TP63: variants seen among roughly 807,000 people sequenced by gnomAD.
TP63 encodes the protein tumor protein 63.
In TP63, 17 loss-of-function variants were observed where a neutral mutation model predicts 82.8. The observed-to-expected ratio is 0.21, with a 90% CI of 0.14 to 0.31. The LOEUF is 0.31. Among genes scored for constraint, TP63 ranks in the 10% least tolerant of loss-of-function variants. The pLI, the probability that TP63 is intolerant of heterozygous loss-of-function variation, is 1.00. For missense variants in TP63, 648 were observed against 895.3 expected (o/e 0.72, Z 3.52); for synonymous variants, 330 against 321.7 (o/e 1.03, Z -0.28).
Position 189,884,610 on chromosome 3 carries a change from C to T in TP63, c.1350-1784C>T, listed in dbSNP as rs145804452. Among the ~76,000 whole-genome samples, 24 of 152,208 alleles carry T rather than the reference C, an allele frequency of 1.6e-4. No homozygotes were observed. The East Asian group carries it at 4.0e-3, about 26-fold the overall frequency. The stretch of plus-strand genomic sequence containing the variant: ...TTCAGAAAATGTACAAAGAAGAGTT[C>T]GGTAACCTGAAATGTTTTATAGTTG... On this transcript the variant is annotated intron_variant, in intron 10 of 13. Coordinates refer to ENST00000264731, the MANE Select transcript of TP63 (RefSeq NM_003722.5).
At chr3:189,838,036 G>A (rs1390128557) in intron 4 of TP63, among the ~76,000 whole-genome samples, 1 of 152,154 alleles carries the variant, frequency 6.6e-6, no homozygotes, top group African/African-American at 2.4e-5. Flanking sequence ...TCTCTAAGCA[G>A]AAGGAAATTT....
chr3:189,878,608 T>A (rs1174335481), intron 10 of TP63, among the ~76,000 whole-genome samples: 1 of 126,586 alleles, frequency 7.9e-6, no homozygotes, highest in Non-Finnish European at 1.7e-5. Flanking sequence ...TTTTTTTTTT[T>A]AGTAGAGACG....
chr3:189,613,007 T>C, the TP63 span, among the ~76,000 whole-genome samples: 1 of 152,196 alleles, frequency 6.6e-6, no homozygotes, highest in Non-Finnish European at 1.5e-5. Flanking sequence ...AGCATACAAC[T>C]TTGGAAAATT....
intron 1 of TP63, among the ~76,000 whole-genome samples, chr3:189,640,147 G>A (rs1711696519): frequency 6.6e-6 from 1 of 151,858 alleles, no homozygotes. Context: ...CTTTCAATGA[G>A]GAAATATGCT....
Position 189,737,786 on chromosome 3 carries a change from C to T in TP63, c.109C>T (p.Arg37Ter), listed in dbSNP as rs147340040. The T allele has an allele frequency of 9.3e-6, 15 of 1,613,904 alleles. No homozygotes were observed. The highest frequency in any genetic ancestry group is 5.0e-5 in the Admixed American group (3 of 60,014). Residue 37 changes from arginine to a stop codon, truncating the protein, a stop_gained, in exon 2 of 14, where the codon CGA becomes TGA. Coordinates refer to ENST00000264731, the MANE Select transcript of TP63 (RefSeq NM_003722.5). LOFTEE classifies it high-confidence loss of function. The stretch of plus-strand genomic sequence containing the variant: ...TTTCTCTTGGAAAGAAAGTTATTAC[C>T]GATCCACCATGTCCCAGAGCACACA... ...AHFSWKESYY[R>*]STMSQSTQTN...
intron 1 of TP63, among the ~76,000 whole-genome samples, chr3:189,733,557 C>T (rs897219950): frequency 6.6e-6 from 1 of 152,038 alleles, no homozygotes; most frequent in Non-Finnish European, 1.5e-5. Flanking sequence ...CTTATGGGTC[C>T]GTGTATATGA....
intron 1 of TP63, among the ~76,000 whole-genome samples, chr3:189,714,109 A>G (rs183237581): frequency 2.0e-5 from 3 of 152,312 alleles, no homozygotes; most frequent in African/African-American, 7.2e-5. Flanking sequence ...CCAAATGATT[A>G]TCTGTAGATG....
chr3:189,743,853 C>A (rs564986169), intron 3 of TP63, among the ~76,000 whole-genome samples: 1 of 152,144 alleles, frequency 6.6e-6, no homozygotes, highest in East Asian at 1.9e-4. Context: ...AGACCCCTCA[C>A]GGTCCACATT....
chr3:189,610,612 G>C, the TP63 span, among the ~76,000 whole-genome samples: 1 of 152,178 alleles, frequency 6.6e-6, no homozygotes, highest in African/African-American at 2.4e-5. Context: ...TCTCTAGGAA[G>C]TTCCAAACTT....
chr3:189,660,703 G>C (rs972768815), intron 1 of TP63, among the ~76,000 whole-genome samples: 3 of 151,642 alleles, frequency 2.0e-5, no homozygotes, highest in Non-Finnish European at 4.4e-5. Flanking sequence ...AGCATGGAAT[G>C]TTTTTTTTCA....
the TP63 span, among the ~76,000 whole-genome samples, chr3:189,603,796 C>G: frequency 6.6e-6 from 1 of 151,662 alleles, no homozygotes; most frequent in African/African-American, 2.4e-5. Context: ...GTATATACAT[C>G]CCTCAAGTCC....
chr3:189,597,990 A>G, the TP63 span, among the ~76,000 whole-genome samples: 4 of 152,066 alleles, frequency 2.6e-5, no homozygotes, highest in Non-Finnish European at 4.4e-5. Context: ...AAATAATTTT[A>G]CCAGAGACTT....
chr3:189,757,233 G>T (rs964754369), intron 3 of TP63, among the ~76,000 whole-genome samples: 4 of 152,144 alleles, frequency 2.6e-5, no homozygotes, highest in East Asian at 1.9e-4. Flanking sequence ...GAAAACCAGG[G>T]CTACACCCAA....
chr3:189,709,426 C>A (rs895330202), intron 1 of TP63, among the ~76,000 whole-genome samples: 6 of 151,714 alleles, frequency 4.0e-5, no homozygotes, highest in African/African-American at 1.5e-4. Flanking sequence ...TGATTTTTTT[C>A]TTTTATTTTT....
chr3:189,753,645 T>C (rs938302846), intron 3 of TP63, among the ~76,000 whole-genome samples: 24 of 152,066 alleles, frequency 1.6e-4, no homozygotes, highest in Non-Finnish European at 3.1e-4. Context: ...AATTGGTGTA[T>C]TTACATCATT....
chr3:189,618,444 A>G, the TP63 span, among the ~76,000 whole-genome samples: 1 of 152,186 alleles, frequency 6.6e-6, no homozygotes, highest in Non-Finnish European at 1.5e-5. Flanking sequence ...GCCATATTCT[A>G]TCAACCATTC....
intron 9 of TP63, among the ~76,000 whole-genome samples, chr3:189,869,731 T>A (rs903890936): frequency 2.6e-5 from 4 of 151,438 alleles, no homozygotes; most frequent in Non-Finnish European, 4.4e-5. Context: ...TTTTTTTTTT[T>A]ATAAGGGCAA....
rs149640291 is a variant in TP63 at position 189,687,710 on chromosome 3, C to T, written c.63-50030C>T. On this transcript the variant is annotated intron_variant, in intron 1 of 13. Coordinates refer to ENST00000264731, the MANE Select transcript of TP63 (RefSeq NM_003722.5). Reference sequence around the variant, plus strand: ...CTGGACAATGTGCCCTTTAAAGTGACTTCTAATTCTAATGTACAATGGTAG... The same window carrying T: ...CTGGACAATGTGCCCTTTAAAGTGATTTCTAATTCTAATGTACAATGGTAG... Among the ~76,000 whole-genome samples, 22 of 152,298 alleles carry T rather than the reference C, an allele frequency of 1.4e-4. No individual in the cohort carries two copies. In the East Asian group the frequency reaches 4.2e-3, roughly 29 times the overall value.
chr3:189,874,533 C>T (rs76844400), intron 10 of TP63, among the ~76,000 whole-genome samples: 5,762 of 152,070 alleles, frequency 0.038, 122 homozygotes, highest in Middle Eastern at 0.13. Context: ...CTTTTTGGCC[C>T]GAAGGGATCT....
Sources: allele counts gnomAD v4.1 joint callset (sites outside exome capture counted in the v4.1 genomes callset), GRCh38; gene constraint gnomAD v4.1.1; transcripts MANE v1.5; gene names NCBI Gene and HGNC (gene_info 2026-07-23, HGNC 2026-07-21).